Variants in FGD6 observed in about 807,000 individuals in gnomAD.
The protein encoded by FGD6 is FYVE, RhoGEF and PH domain containing 6.
Under a neutral mutation model 149.4 loss-of-function variants are expected in FGD6, and 90 were observed. That is an observed-to-expected ratio of 0.60 (90% CI 0.51 to 0.72). The LOEUF (loss-of-function observed/expected upper bound fraction) is 0.72. Ranked by LOEUF, FGD6 falls within the 30% of genes least tolerant of loss-of-function variation. The pLI is 0.00. For missense variants in FGD6, 1,437 were observed against 1,684.8 expected, an observed-to-expected ratio of 0.85 and a Z score of 2.57; for synonymous variants, 527 against 584.0, an observed-to-expected ratio of 0.90 and a Z score of 1.41.
intron 2 of FGD6, among the ~76,000 whole-genome samples, chr12:95,187,074 G>A (rs962723727): frequency 6.6e-6 from 1 of 152,200 alleles, no homozygotes; most frequent in East Asian, 1.9e-4. Flanking sequence ...GCTCATGCCT[G>A]TAATCCCAGA....
intron 3 of FGD6, among the ~76,000 whole-genome samples, chr12:95,160,380 T>C (rs1880603990): frequency 6.6e-6 from 1 of 152,064 alleles, no homozygotes; most frequent in Non-Finnish European, 1.5e-5. Flanking sequence ...AGTAAATACC[T>C]AGTGTTGGTG....
chr12:95,153,025 A>G (rs551172907), intron 3 of FGD6, 32 bp from the exon 4 acceptor site: 1 of 1,586,576 alleles, frequency 6.3e-7, no homozygotes, highest in South Asian at 1.1e-5. Flanking sequence ...ACATGAACTC[A>G]TAAAAGAATA....
intron 1 of FGD6, 66 bp downstream of exon 1, chr12:95,217,159 C>T (rs1388838256): frequency 6.2e-7 from 1 of 1,604,172 alleles, no homozygotes; most frequent in Non-Finnish European, 8.5e-7. Context: ...GAAAGTTGCT[C>T]GCGAGCCCAA....
At chr12:95,098,867 A>ATTTTTTTTTTTTTTT (rs63204961) in intron 14 of FGD6, among the ~76,000 whole-genome samples, 2 of 126,748 alleles carry the variant, frequency 1.6e-5, no homozygotes, top group African/African-American at 3.0e-5. Context: ...GGCCCTTTTA[A>ATTTTTTTTTTTTTTT]TTTTTTTTTT....
chr12:95,183,307 C>T lies in FGD6; in HGVS notation c.2442-10563G>A, dbSNP rs117062552. ...CATTTAAACAAGCCAATCACATCCTCTCATGGGAACCAGGAGTGACCCCCA... is the reference window on the plus strand; with the variant it reads ...CATTTAAACAAGCCAATCACATCCTTTCATGGGAACCAGGAGTGACCCCCA... On this transcript the variant is annotated intron_variant, in intron 2 of 20. Coordinates refer to ENST00000343958, the MANE Select transcript of FGD6 (RefSeq NM_018351.4). Among the ~76,000 whole-genome samples, 109 of 152,360 alleles carry T rather than the reference C, an allele frequency of 7.2e-4. No homozygotes were observed. The East Asian group carries it at 0.011, about 16-fold the overall frequency.
At chr12:95,112,072 A>G (rs1878842479) in intron 9 of FGD6, among the ~76,000 whole-genome samples, 1 of 151,740 alleles carries the variant, frequency 6.6e-6, no homozygotes, top group African/African-American at 2.4e-5. Context: ...TGTCTCTACA[A>G]AAAATATAAA....
chr12:95,087,058 G>A (rs977895784), intron 18 of FGD6, among the ~76,000 whole-genome samples: 4 of 150,754 alleles, frequency 2.7e-5, no homozygotes, highest in African/African-American at 9.8e-5. Context: ...ATGTTGGCCA[G>A]GTTGGTGTTG....
At chr12:95,127,406 T>A (rs1879377663) in intron 8 of FGD6, among the ~76,000 whole-genome samples, 1 of 152,118 alleles carries the variant, frequency 6.6e-6, no homozygotes, top group Non-Finnish European at 1.5e-5. Flanking sequence ...TAGCTGGGCA[T>A]GGTGGCACGT....
intron 20 of FGD6, among the ~76,000 whole-genome samples, chr12:95,082,827 T>G (rs1170190059): frequency 1.3e-5 from 2 of 149,670 alleles, no homozygotes; most frequent in African/African-American, 2.5e-5. Flanking sequence ...TTCTTCTTTC[T>G]TATGGAAATA....
chr12:95,212,343 T>C (rs1555223332), intron 1 of FGD6, among the ~76,000 whole-genome samples: 1 of 152,228 alleles, frequency 6.6e-6, no homozygotes, highest in Non-Finnish European at 1.5e-5. Flanking sequence ...CTACAATTTC[T>C]AGTGTAGCAA....
intron 2 of FGD6, among the ~76,000 whole-genome samples, chr12:95,201,856 A>C (rs1452159135): frequency 6.6e-6 from 1 of 152,138 alleles, no homozygotes; most frequent in Non-Finnish European, 1.5e-5. Context: ...CAGCAATGGA[A>C]AACTAGTTAG....
chr12:95,124,282 C>A (rs117733167), intron 8 of FGD6, among the ~76,000 whole-genome samples: 1 of 152,078 alleles, frequency 6.6e-6, no homozygotes, highest in African/African-American at 2.4e-5. Flanking sequence ...CTTAAGTGTA[C>A]GGAAATGGCC....
intron 18 of FGD6, among the ~76,000 whole-genome samples, chr12:95,087,746 C>G (rs1000056515): frequency 1.8e-4 from 27 of 152,034 alleles, no homozygotes; most frequent in African/African-American, 6.3e-4. Context: ...TAAAGTGTAT[C>G]TTTAATTATA....
At chr12:95,213,518 G>A (rs902842704) in intron 1 of FGD6, among the ~76,000 whole-genome samples, 2 of 152,200 alleles carry the variant, frequency 1.3e-5, no homozygotes, top group Non-Finnish European at 1.5e-5. Context: ...AAATGAGTAA[G>A]ACGGTAAATT....
chr12:95,088,541 A>T lies in FGD6; in HGVS notation c.3978+1028T>A, dbSNP rs184290457. On this transcript the variant is annotated intron_variant, in intron 18 of 20. Transcript: ENST00000343958. The stretch of plus-strand genomic sequence containing the variant: ...ACTTCCCAGTTCCTCAAAAAGTTAA[A>T]CATAGAATTACCATATGAGCAAGCA... 2.8e-3 allele frequency among the ~76,000 whole-genome samples: 432 copies of T among 152,348 alleles called. 2 individuals carry two copies. The highest frequency in any genetic ancestry group is 4.0e-3 in the Non-Finnish European group (275 of 68,016).
At chr12:95,107,725 T>G in intron 11 of FGD6, 94 bp from the exon 12 acceptor site, 1 of 1,337,280 alleles carries the variant, frequency 7.5e-7, no homozygotes, top group South Asian at 1.2e-5. Flanking sequence ...AGAATTTTTT[T>G]CATGACAGAC....
At chr12:95,135,863 T>C (rs557822502) in intron 7 of FGD6, among the ~76,000 whole-genome samples, 1 of 152,306 alleles carries the variant, frequency 6.6e-6, no homozygotes, top group East Asian at 1.9e-4. Flanking sequence ...CGTTTTCTTT[T>C]GCTAACAAGG....
chr12:95,196,644 C>CT (rs200984769), intron 2 of FGD6, among the ~76,000 whole-genome samples: 14,084 of 145,716 alleles, frequency 0.097, 752 homozygotes, highest in East Asian at 0.25. Flanking sequence ...CAATTTTTTT[C>CT]TTTTTTTTTT....
In FGD6 at chr12:95,180,555, G is replaced by A. The variant is rs138162135; in HGVS notation, c.2442-7811C>T. Among the ~76,000 whole-genome samples, 408 of 151,794 alleles carry A rather than the reference G, an allele frequency of 2.7e-3. 2 individuals carry two copies. Among genetic ancestry groups the A allele is most frequent in the African/African-American group, 9.5e-3 (392 of 41,368 alleles). On this transcript the variant is annotated intron_variant, in intron 2 of 20. Coordinates refer to ENST00000343958, the MANE Select transcript of FGD6 (RefSeq NM_018351.4). ...CAACAGGTGCGTGCCACCACACCTG[G>A]CTAATTTTCGTATTTTTTCTTTTGT...
Sources: allele counts gnomAD v4.1 joint callset (sites outside exome capture counted in the v4.1 genomes callset), GRCh38; gene constraint gnomAD v4.1.1; transcripts MANE v1.5; gene names NCBI Gene and HGNC (gene_info 2026-07-23, HGNC 2026-07-21).